The following MARCHF3 variants were observed in gnomAD, a reference collection of about 807,000 sequenced individuals.
MARCHF3 encodes E3 ubiquitin-protein ligase MARCHF3.
In MARCHF3, 13 loss-of-function variants were observed where a neutral mutation model predicts 24.2. The observed-to-expected ratio is 0.54, with a 90% CI of 0.35 to 0.85. MARCHF3 has a LOEUF of 0.85. Among genes scored for constraint, MARCHF3 ranks in the 40% least tolerant of loss-of-function variants. MARCHF3 has a pLI of 0.01. For synonymous variants in MARCHF3, 144 were observed against 137.3 expected (o/e 1.05, Z -0.34); for missense variants, 276 against 325.0 (o/e 0.85, Z 1.16).
chr5:126,991,674 A>C lies in MARCHF3; in HGVS notation c.-57+38676T>G, dbSNP rs576131725. 7.2e-5 allele frequency among the ~76,000 whole-genome samples: 11 copies of C among 151,954 alleles called. No homozygotes were observed. In the East Asian group the frequency reaches 2.1e-3, roughly 29 times the overall value. On this transcript the variant is annotated intron_variant, in intron 1 of 4. Coordinates refer to ENST00000308660, the MANE Select transcript of MARCHF3 (RefSeq NM_178450.5). ...AGGCAGAGGTTGCAGTGAGCTGAGA[A>C]CGCACCACTGTACTCCAGCCTGGAC...
At chr5:126,916,688 GACAGACACACACACACACACAC>G (rs1254219341) in intron 2 of MARCHF3, among the ~76,000 whole-genome samples, 10 of 76,442 alleles carry the variant, frequency 1.3e-4, no homozygotes, top group Non-Finnish European at 2.3e-4. Context: ...CAGACAGACA[GACAGACACACACACACACACAC>G]ACACACACAC....
At chr5:126,881,270 A>G (rs1753332270) in intron 3 of MARCHF3, among the ~76,000 whole-genome samples, 1 of 152,112 alleles carries the variant, frequency 6.6e-6, no homozygotes, top group South Asian at 2.1e-4. Flanking sequence ...AGTACTTTAC[A>G]TGGTACTATT....
chr5:126,948,233 G>A (rs555647562), intron 1 of MARCHF3, among the ~76,000 whole-genome samples: 1 of 152,212 alleles, frequency 6.6e-6, no homozygotes, highest in Admixed American at 6.5e-5. Context: ...AGTACCCACG[G>A]AGATTGGTTC....
intron 1 of MARCHF3, among the ~76,000 whole-genome samples, chr5:126,979,611 C>T (rs1019299636): frequency 2.2e-4 from 34 of 152,122 alleles, no homozygotes; most frequent in African/African-American, 8.2e-4. Flanking sequence ...GTGTGTTTTT[C>T]CTTAGAGTTT....
intron 3 of MARCHF3, among the ~76,000 whole-genome samples, chr5:126,900,852 C>T (rs1754079028): frequency 1.3e-5 from 2 of 151,898 alleles, no homozygotes; most frequent in Non-Finnish European, 2.9e-5. Flanking sequence ...CAGGAGCCTG[C>T]CACCACGCCC....
At chr5:126,922,574 T>A (rs559233643) in intron 1 of MARCHF3, among the ~76,000 whole-genome samples, 1 of 151,664 alleles carries the variant, frequency 6.6e-6, no homozygotes, top group South Asian at 2.1e-4. Context: ...TGAGTCGGAG[T>A]CTCACTCTGT....
At chr5:126,963,527 C>T (rs564291189) in intron 1 of MARCHF3, among the ~76,000 whole-genome samples, 1 of 152,214 alleles carries the variant, frequency 6.6e-6, no homozygotes, top group South Asian at 2.1e-4. Context: ...AAACCAAGCA[C>T]TCACATCTTC....
intron 4 of MARCHF3, among the ~76,000 whole-genome samples, chr5:126,871,909 G>T (rs1752979271): frequency 6.7e-6 from 1 of 148,438 alleles, no homozygotes; most frequent in African/African-American, 2.6e-5. Flanking sequence ...GTTTCACCAT[G>T]TTGGCCAGGC....
At chr5:126,998,732 T>A (rs1249673874) in intron 1 of MARCHF3, among the ~76,000 whole-genome samples, 5 of 152,130 alleles carry the variant, frequency 3.3e-5, no homozygotes, top group African/African-American at 1.2e-4. Flanking sequence ...AAAGCCATCT[T>A]TTAAACAGCA....
At chr5:126,896,568 C>G (rs1364975638) in intron 3 of MARCHF3, among the ~76,000 whole-genome samples, 2 of 152,030 alleles carry the variant, frequency 1.3e-5, no homozygotes, top group Non-Finnish European at 2.9e-5. Context: ...ATTAAAGAAC[C>G]CAAGTTAATA....
At chr5:126,985,726 C>A (rs968173927) in intron 1 of MARCHF3, among the ~76,000 whole-genome samples, 3 of 152,178 alleles carry the variant, frequency 2.0e-5, no homozygotes, top group East Asian at 1.9e-4. Flanking sequence ...CCACCTGCAT[C>A]GGCCTCCCAA....
intron 3 of MARCHF3, among the ~76,000 whole-genome samples, chr5:126,889,100 A>C (rs1284409875): frequency 6.6e-6 from 1 of 152,120 alleles, no homozygotes; most frequent in Non-Finnish European, 1.5e-5. Context: ...AGCAGCTCTC[A>C]TTCCCCTGAT....
chr5:126,900,985 C>T (rs1333721168), intron 3 of MARCHF3, among the ~76,000 whole-genome samples: 2 of 152,058 alleles, frequency 1.3e-5, no homozygotes, highest in African/African-American at 4.8e-5. Flanking sequence ...GGATAACAGG[C>T]ATGAGCCACC....
chr5:126,915,132 G>C lies in MARCHF3; in HGVS notation c.191C>G (p.Pro64Arg). ...TVVRTLATQS[P>R]FNDRPMCRIC... ...CCTGCACATCGGCCGGTCATTGAAG[G>C]GGCTGCAAGAGAAGGAGGGGCACCT... The change falls in exon 3 of 5, where the codon CCC becomes CGC. Residue 64 changes from proline to arginine, a missense_variant and splice_region_variant. Coordinates refer to ENST00000308660, the MANE Select transcript of MARCHF3 (RefSeq NM_178450.5). 1.2e-6 allele frequency: 2 copies of C among 1,613,266 alleles called. No individual in the cohort carries two copies. Among genetic ancestry groups the C allele is most frequent in the Non-Finnish European group, 1.7e-6 (2 of 1,179,934 alleles).
At chr5:126,954,354 T>G (rs941530468) in intron 1 of MARCHF3, among the ~76,000 whole-genome samples, 2 of 151,586 alleles carry the variant, frequency 1.3e-5, no homozygotes, top group African/African-American at 4.8e-5. Context: ...CGGCCTAACC[T>G]CTTCTAATTT....
At chr5:126,984,572 C>T (rs981326039) in intron 1 of MARCHF3, among the ~76,000 whole-genome samples, 2 of 152,174 alleles carry the variant, frequency 1.3e-5, no homozygotes, top group Non-Finnish European at 2.9e-5. Flanking sequence ...GAGAGCCAGC[C>T]ACTCTCTTTA....
chr5:126,917,572 A>G (rs1164978725), intron 2 of MARCHF3, among the ~76,000 whole-genome samples: 2 of 152,126 alleles, frequency 1.3e-5, no homozygotes, highest in African/African-American at 4.8e-5. Flanking sequence ...CACACCAAGA[A>G]TGTCACTTCA....
intron 4 of MARCHF3, among the ~76,000 whole-genome samples, chr5:126,871,130 C>T (rs114843989): frequency 1.1e-4 from 17 of 152,278 alleles, no homozygotes; most frequent in African/African-American, 3.4e-4. Context: ...TGCCAGCCCT[C>T]GCCCAGCTGT....
chr5:126,951,796 C>T (rs1750245368), intron 1 of MARCHF3, among the ~76,000 whole-genome samples: 1 of 152,100 alleles, frequency 6.6e-6, no homozygotes. Flanking sequence ...TTAATGTTTC[C>T]ATTTGAGTTC....
Sources: allele counts gnomAD v4.1 joint callset (sites outside exome capture counted in the v4.1 genomes callset), GRCh38; gene constraint gnomAD v4.1.1; transcripts MANE v1.5; gene names NCBI Gene and HGNC (gene_info 2026-07-23, HGNC 2026-07-21).